The following PCDH15 variants were observed in gnomAD, a reference collection of about 807,000 sequenced individuals.
The protein encoded by PCDH15 is protocadherin-15.
In PCDH15, 129 loss-of-function variants were observed where a neutral mutation model predicts 178.5. The ratio of observed to expected loss-of-function variants is 0.72; its 90% CI spans 0.63 to 0.84. The LOEUF (loss-of-function observed/expected upper bound fraction) is 0.84, where lower values mean the gene tolerates loss of function less well. Among genes scored for constraint, PCDH15 ranks in the 40% least tolerant of loss-of-function variants. PCDH15 has a pLI of 0.00. For missense variants in PCDH15, 2,230 were observed against 2,099.9 expected (o/e 1.06, Z -1.21); for synonymous variants, 800 against 732.0 (o/e 1.09, Z -1.50).
chr10:53,920,657 T>C (rs1475021152), intron 25 of PCDH15, among the ~76,000 whole-genome samples: 1 of 152,194 alleles, frequency 6.6e-6, no homozygotes, highest in Non-Finnish European at 1.5e-5. Context: ...TCTGTTCCTT[T>C]CTATGCCTTT....
At chr10:55,193,627 T>C (rs527489584) in intron 1 of PCDH15, among the ~76,000 whole-genome samples, 3 of 152,026 alleles carry the variant, frequency 2.0e-5, no homozygotes, top group Admixed American at 6.6e-5. Flanking sequence ...ATTCAATAAA[T>C]TAAATTCTCA....
intron 3 of PCDH15, among the ~76,000 whole-genome samples, chr10:54,867,450 A>G (rs971286390): frequency 2.0e-5 from 3 of 152,122 alleles, no homozygotes; most frequent in Non-Finnish European, 4.4e-5. Flanking sequence ...ACATTATTTT[A>G]CATTATCTTG....
chr10:54,510,305 T>A (rs2081536731), intron 3 of PCDH15, among the ~76,000 whole-genome samples: 1 of 152,142 alleles, frequency 6.6e-6, no homozygotes, highest in South Asian at 2.1e-4. Flanking sequence ...AAAGAACATA[T>A]CTACCCTGAT....
At chr10:54,468,060 T>A (rs903995110) in intron 3 of PCDH15, among the ~76,000 whole-genome samples, 2 of 151,886 alleles carry the variant, frequency 1.3e-5, no homozygotes, top group African/African-American at 4.8e-5. Flanking sequence ...TTTATCTTCA[T>A]TAGTCTAGTG....
intron 26 of PCDH15, among the ~76,000 whole-genome samples, chr10:53,888,291 C>CGTATATATAT (rs2081248279): frequency 3.9e-4 from 19 of 48,824 alleles, no homozygotes; most frequent in African/African-American, 9.5e-4. Flanking sequence ...ACTATATATA[C>CGTATATATAT]ATATATATAT....
At chr10:54,664,048 A>T (rs2094531971) in intron 2 of PCDH15, 124 bp downstream of exon 2, 1 of 772,524 alleles carries the variant, frequency 1.3e-6, no homozygotes, top group East Asian at 2.7e-5. Flanking sequence ...GTTAATTATT[A>T]CACAGAGATA....
intron 3 of PCDH15, among the ~76,000 whole-genome samples, chr10:54,890,065 C>A (rs1954432580): frequency 6.6e-6 from 1 of 151,782 alleles, no homozygotes; most frequent in African/African-American, 2.4e-5. Context: ...ATAAATGTGC[C>A]CTATATTCCC....
intron 6 of PCDH15, among the ~76,000 whole-genome samples, chr10:54,338,510 T>C (rs947034852): frequency 2.6e-5 from 4 of 152,162 alleles, no homozygotes; most frequent in Non-Finnish European, 5.9e-5. Context: ...ACTCAGGAAA[T>C]TCAAATGCTT....
chr10:54,364,636 C>T (rs540276642), intron 5 of PCDH15, among the ~76,000 whole-genome samples: 1 of 152,036 alleles, frequency 6.6e-6, no homozygotes, highest in South Asian at 2.1e-4. Context: ...CTTATTTTGA[C>T]AGTTACTGAG....
intron 2 of PCDH15, among the ~76,000 whole-genome samples, chr10:54,907,554 C>T (rs1368880026): frequency 6.6e-6 from 1 of 152,126 alleles, no homozygotes; most frequent in Non-Finnish European, 1.5e-5. Flanking sequence ...CTTTGATTCA[C>T]GTGAATCCTC....
At chr10:55,086,392 A>C (rs898933383) in intron 2 of PCDH15, among the ~76,000 whole-genome samples, 8 of 152,104 alleles carry the variant, frequency 5.3e-5, no homozygotes, top group Non-Finnish European at 1.2e-4. Context: ...TGATAAACAA[A>C]TCAAAAATGT....
At chr10:54,421,834 ATATACACACACAC>A (rs1157263165) in intron 3 of PCDH15, among the ~76,000 whole-genome samples, 1,017 of 80,608 alleles carry the variant, frequency 0.013, 20 homozygotes, top group Middle Eastern at 0.046. Flanking sequence ...ATATATATAT[ATATACACACACAC>A]TATATATATA....
chr10:55,298,867 C>T lies in PCDH15; in HGVS notation c.-156+20732G>A, dbSNP rs537648821. ...AGCTGGGATTACAGGCATGAGCCAC[C>T]GTGCCCGGCGATAGTGTCGACTTTT... On this transcript the variant is annotated intron_variant, in intron 1 of 5. Coordinates refer to the PCDH15 transcript ENST00000458638. Among the ~76,000 whole-genome samples, 5 of 152,176 alleles carry T rather than the reference C, an allele frequency of 3.3e-5. No homozygotes were observed. The South Asian group carries it at 6.2e-4, about 19-fold the overall frequency.
chr10:54,192,107 GAAA>G (rs35501378), intron 11 of PCDH15, among the ~76,000 whole-genome samples: 5 of 90,410 alleles, frequency 5.5e-5, no homozygotes, highest in African/African-American at 9.4e-5. Context: ...AAGGAAGAAA[GAAA>G]AAAAAAAAAG....
At chr10:54,831,380 A>G (rs1476708923) in intron 3 of PCDH15, among the ~76,000 whole-genome samples, 5 of 152,152 alleles carry the variant, frequency 3.3e-5, no homozygotes, top group Non-Finnish European at 5.9e-5. Context: ...AAGACACATT[A>G]ATATATTGGT....
rs2044738288 is a variant in PCDH15 at position 54,153,270 on chromosome 10, T to C, written c.1614A>G (p.Glu538=). Residue 538 remains glutamate, a synonymous_variant, in exon 14 of 38, where the codon GAA becomes GAG. Coordinates refer to ENST00000644397, the MANE Select transcript of PCDH15 (RefSeq NM_001384140.1). ...CATATGTGATCTCCCCATTTGACCCTTCGTCTGCGTCGACTGCAGTGAGCT... is the reference window on the plus strand; with the variant it reads ...CATATGTGATCTCCCCATTTGACCCCTCGTCTGCGTCGACTGCAGTGAGCT... ...VIQLTAVDAD[E]GSNGEITYEI... 1 of 1,613,808 alleles carries C rather than the reference T, an allele frequency of 6.2e-7. No individual in the cohort carries two copies. The highest frequency in any genetic ancestry group is 8.5e-7 in the Non-Finnish European group (1 of 1,179,826).
At chr10:55,276,304 C>T (rs898511016) in intron 1 of PCDH15, among the ~76,000 whole-genome samples, 6 of 151,020 alleles carry the variant, frequency 4.0e-5, no homozygotes, top group Non-Finnish European at 8.9e-5. Flanking sequence ...TAAAGAAATA[C>T]TTTCAATATT....
intron 2 of PCDH15, among the ~76,000 whole-genome samples, chr10:55,578,809 A>C (rs1376556101): frequency 1.3e-5 from 2 of 152,166 alleles, no homozygotes; most frequent in Admixed American, 6.5e-5. Context: ...GATAGTGTGC[A>C]GGGGAATTCT....
At chr10:53,912,457 G>A (rs1040234960) in intron 25 of PCDH15, among the ~76,000 whole-genome samples, 1 of 152,140 alleles carries the variant, frequency 6.6e-6, no homozygotes, top group Admixed American at 6.5e-5. Flanking sequence ...AATCAGGCAA[G>A]AGAAAGAAAT....
Sources: gnomAD v4.1 joint callset for allele counts (sites outside exome capture counted in the v4.1 genomes callset) on GRCh38, gnomAD v4.1.1 for gene constraint, MANE v1.5 for transcripts, NCBI Gene and HGNC (gene_info 2026-07-23, HGNC 2026-07-21) for gene names.